Variants in CTNNA2 observed in about 807,000 individuals in gnomAD.
CTNNA2 encodes the protein catenin alpha 2.
Under a neutral mutation model 101.0 loss-of-function variants are expected in CTNNA2, and 42 were observed. The ratio of observed to expected loss-of-function variants is 0.42; its 90% CI spans 0.32 to 0.54. The LOEUF is 0.54. Ranked by LOEUF, CTNNA2 falls within the 20% of genes least tolerant of loss-of-function variation. CTNNA2 has a pLI of 0.14. For missense variants in CTNNA2, 871 were observed against 1,223.1 expected, an observed-to-expected ratio of 0.71 and a Z score of 4.29; for synonymous variants, 450 against 456.4, an observed-to-expected ratio of 0.99 and a Z score of 0.18.
At chr2:80,299,792 T>A (rs1006932040) in intron 7 of CTNNA2, 1 of 152,164 alleles carries the variant, frequency 6.6e-6, no homozygotes, top group Admixed American at 6.5e-5. Flanking sequence ...GACTTGTGGT[T>A]CTGATGCTTG....
intron 2 of CTNNA2, among the ~76,000 whole-genome samples, chr2:79,721,982 AT>A (rs762824608): frequency 4.6e-5 from 7 of 152,350 alleles, no homozygotes; most frequent in South Asian, 2.1e-4. Context: ...AAGAAAAAAA[AT>A]GAAGCGTGTT....
At chr2:80,552,330 G>T (rs917918458) in intron 11 of CTNNA2, among the ~76,000 whole-genome samples, 2 of 151,760 alleles carry the variant, frequency 1.3e-5, no homozygotes, top group East Asian at 3.9e-4. Flanking sequence ...TATTTGGGGG[G>T]GAAGAAAAAA....
intron 3 of CTNNA2, among the ~76,000 whole-genome samples, chr2:79,834,645 G>A (rs142435410): frequency 6.8e-6 from 1 of 147,546 alleles, no homozygotes; most frequent in Non-Finnish European, 1.5e-5. Flanking sequence ...ACTATTTTTT[G>A]CAAATATACC....
intron 7 of CTNNA2, among the ~76,000 whole-genome samples, chr2:80,013,318 C>A (rs2104036576): frequency 6.6e-6 from 1 of 152,158 alleles, no homozygotes; most frequent in Admixed American, 6.5e-5. Flanking sequence ...AAAGAACTAA[C>A]CATTACATTT....
intron 7 of CTNNA2, among the ~76,000 whole-genome samples, chr2:80,186,053 G>A (rs1469894505): frequency 3.3e-5 from 5 of 152,156 alleles, no homozygotes; most frequent in Non-Finnish European, 7.3e-5. Context: ...CTTTGTGGAT[G>A]GCAAAGCCAG....
chr2:80,584,371 T>A (rs1296667669), intron 14 of CTNNA2, among the ~76,000 whole-genome samples: 1 of 149,746 alleles, frequency 6.7e-6, no homozygotes. Context: ...ATTTCAAAAA[T>A]GTCCTTTATA....
intron 1 of CTNNA2, among the ~76,000 whole-genome samples, chr2:79,623,161 G>A (rs781382218): frequency 1.3e-5 from 2 of 152,098 alleles, no homozygotes; most frequent in African/African-American, 2.4e-5. Context: ...AAAGCCTTTG[G>A]TTGTTTTAGA....
At position 80,130,147 on chromosome 2, in the gene CTNNA2, T is replaced by C. The variant is rs371977342; in HGVS notation, c.1056+220350T>C. On this transcript the variant is annotated intron_variant, in intron 7 of 18. Coordinates refer to ENST00000402739, the MANE Select transcript of CTNNA2 (RefSeq NM_001282597.3). ...ATAACCCTTTCACCTGCTCACAATT[T>C]TTCCATTCAGTGTTCTAGTCAAGCT... Among the ~76,000 whole-genome samples, 29 of 152,252 alleles carry C rather than the reference T, an allele frequency of 1.9e-4. 1 individual carries two copies. The East Asian group carries it at 4.8e-3, about 25-fold the overall frequency.
chr2:79,351,867 T>C (rs1047769949), intron 3 of CTNNA2, among the ~76,000 whole-genome samples: 2 of 152,228 alleles, frequency 1.3e-5, no homozygotes, highest in Non-Finnish European at 2.9e-5. Context: ...TCCATGTCTT[T>C]GCTATTGTGA....
chr2:79,526,032 GGTGTATAC>G (rs1224693505), intron 1 of CTNNA2, among the ~76,000 whole-genome samples: 2 of 151,876 alleles, frequency 1.3e-5, no homozygotes, highest in East Asian at 3.9e-4. Flanking sequence ...CTTAAATCCA[GGTGTATAC>G]GTTTTATTGT....
At chr2:79,481,752 A>C (rs866304058) in intron 4 of CTNNA2, among the ~76,000 whole-genome samples, 42 of 152,292 alleles carry the variant, frequency 2.8e-4, no homozygotes, top group Middle Eastern at 3.4e-3. Context: ...TAACAATTAA[A>C]GTGCAATAAA....
chr2:79,242,081 AT>A (rs778494752), intron 2 of CTNNA2, among the ~76,000 whole-genome samples: 2 of 151,454 alleles, frequency 1.3e-5, no homozygotes, highest in South Asian at 2.1e-4. Context: ...AATTTTTTGT[AT>A]TTTTTAGTAG....
At position 79,951,036 on chromosome 2, in the gene CTNNA2, C is replaced by T. The variant is rs150655547; in HGVS notation, c.1056+41239C>T. On this transcript the variant is annotated intron_variant, in intron 7 of 18. Coordinates refer to ENST00000402739, the MANE Select transcript of CTNNA2 (RefSeq NM_001282597.3). Reference sequence around the variant, plus strand: ...TATTCAGCCCCTCTGTCCTTAAAATCATTATCCTCTGTTGGCTACTTCGTA... The same window carrying T: ...TATTCAGCCCCTCTGTCCTTAAAATTATTATCCTCTGTTGGCTACTTCGTA... Among the ~76,000 whole-genome samples the T allele has an allele frequency of 8.8e-3, 1,334 of 152,248 alleles. 26 individuals are homozygous for T. Among genetic ancestry groups the T allele is most frequent in the African/African-American group, 0.03 (1,264 of 41,548 alleles).
intron 1 of CTNNA2, among the ~76,000 whole-genome samples, chr2:79,526,683 T>C (rs12616034): frequency 0.22 from 32,762 of 152,042 alleles, 3,936 homozygotes; most frequent in African/African-American, 0.32. Context: ...TATTTATGGT[T>C]AATTGATTTT....
At chr2:79,472,044 G>C (rs535790607) in intron 4 of CTNNA2, among the ~76,000 whole-genome samples, 75 of 152,102 alleles carry the variant, frequency 4.9e-4, no homozygotes, top group Non-Finnish European at 7.8e-4. Context: ...ATCCAAATCA[G>C]ATATGAGTGA....
At chr2:79,665,477 A>C (rs1040496204) in intron 2 of CTNNA2, among the ~76,000 whole-genome samples, 2 of 152,220 alleles carry the variant, frequency 1.3e-5, no homozygotes, top group African/African-American at 4.8e-5. Context: ...AATGACTAGA[A>C]GAATGATTTC....
chr2:80,218,502 A>G (rs1708397552), intron 7 of CTNNA2, among the ~76,000 whole-genome samples: 1 of 152,252 alleles, frequency 6.6e-6, no homozygotes, highest in Non-Finnish European at 1.5e-5. Flanking sequence ...GAAAGGCAGT[A>G]CAACAAAGTA....
intron 4 of CTNNA2, among the ~76,000 whole-genome samples, chr2:79,411,274 G>A (rs866517052): frequency 5.9e-5 from 9 of 151,698 alleles, no homozygotes; most frequent in Middle Eastern, 6.8e-3. Flanking sequence ...TTAATTTTTT[G>A]AAGGGTTTTT....
intron 3 of CTNNA2, among the ~76,000 whole-genome samples, chr2:79,751,593 C>CAAA (rs397985098): frequency 2.3e-3 from 157 of 68,820 alleles, no homozygotes; most frequent in Non-Finnish European, 2.8e-3. Context: ...GACTCCATCT[C>CAAA]AAAAAAAAAA....
Sources: allele counts gnomAD v4.1 joint callset (sites outside exome capture counted in the v4.1 genomes callset), GRCh38; gene constraint gnomAD v4.1.1; transcripts MANE v1.5; gene names NCBI Gene and HGNC (gene_info 2026-07-23, HGNC 2026-07-21).